Variants in ADAMTSL1 observed in about 807,000 individuals in gnomAD.
ADAMTSL1 encodes the protein ADAMTS-like protein 1.
A neutral mutation model predicts 201.8 loss-of-function variants in ADAMTSL1; 126 were observed. That is an observed-to-expected ratio of 0.62 (90% CI 0.54 to 0.72). ADAMTSL1 has a LOEUF of 0.72. Among genes scored for constraint, ADAMTSL1 ranks in the 30% least tolerant of loss-of-function variants. The pLI is 0.00. For synonymous variants in ADAMTSL1, 1,121 were observed against 903.4 expected (o/e 1.24, Z -4.32); for missense variants, 2,679 against 2,277.8 (o/e 1.18, Z -3.59).
At chr9:18,459,319 A>C (rs1272109739) in intron 2 of ADAMTSL1, among the ~76,000 whole-genome samples, 1 of 152,138 alleles carries the variant, frequency 6.6e-6, no homozygotes, top group Non-Finnish European at 1.5e-5. Context: ...TTTGTATTTC[A>C]TTGGTCAGAC....
chr9:18,662,955 T>C (rs913832940), intron 9 of ADAMTSL1, among the ~76,000 whole-genome samples: 3 of 152,190 alleles, frequency 2.0e-5, no homozygotes, highest in African/African-American at 4.8e-5. Context: ...AAGACAAAGA[T>C]TCATTTTCAA....
At chr9:18,316,325 T>A (rs1249858967) in intron 2 of ADAMTSL1, among the ~76,000 whole-genome samples, 1 of 151,988 alleles carries the variant, frequency 6.6e-6, no homozygotes, top group Non-Finnish European at 1.5e-5. Flanking sequence ...CCAAAATTAT[T>A]AGGTGGGAAT....
chr9:18,278,415 C>A (rs1490404744), intron 2 of ADAMTSL1, among the ~76,000 whole-genome samples: 1 of 152,112 alleles, frequency 6.6e-6, no homozygotes, highest in Non-Finnish European at 1.5e-5. Flanking sequence ...AATAGCCTTG[C>A]CTGGTACAGT....
At chr9:18,372,746 A>G (rs1837102161) in intron 2 of ADAMTSL1, among the ~76,000 whole-genome samples, 1 of 152,222 alleles carries the variant, frequency 6.6e-6, no homozygotes. Flanking sequence ...TACAGTAATG[A>G]AGGCTTTGGT....
At chr9:18,672,889 C>T (rs902782211) in intron 9 of ADAMTSL1, among the ~76,000 whole-genome samples, 1 of 151,890 alleles carries the variant, frequency 6.6e-6, no homozygotes, top group African/African-American at 2.4e-5. Context: ...TGCTCACCTT[C>T]TCTTCTTACC....
chr9:18,719,292 TAAAGA>T (rs1833176713), intron 14 of ADAMTSL1, among the ~76,000 whole-genome samples: 1 of 152,252 alleles, frequency 6.6e-6, no homozygotes, highest in Non-Finnish European at 1.5e-5. Context: ...AAAGAAAATG[TAAAGA>T]TACCATCACA....
intron 1 of ADAMTSL1, among the ~76,000 whole-genome samples, chr9:18,133,843 A>G (rs939521944): frequency 6.6e-6 from 1 of 152,090 alleles, no homozygotes; most frequent in African/African-American, 2.4e-5. Flanking sequence ...TATTTGGTTA[A>G]CTCTAATGGG....
intron 2 of ADAMTSL1, among the ~76,000 whole-genome samples, chr9:18,290,098 A>T (rs1002524569): frequency 6.6e-6 from 1 of 152,140 alleles, no homozygotes; most frequent in Non-Finnish European, 1.5e-5. Flanking sequence ...AACCTTAATC[A>T]TCAAGGGATA....
chr9:18,450,496 A>G (rs904718001), intron 2 of ADAMTSL1, among the ~76,000 whole-genome samples: 3 of 152,134 alleles, frequency 2.0e-5, no homozygotes, highest in Non-Finnish European at 2.9e-5. Flanking sequence ...TTCAGTTGAA[A>G]TGGATGTGTT....
At chr9:18,605,183 A>G (rs1824932171) in intron 4 of ADAMTSL1, among the ~76,000 whole-genome samples, 1 of 152,186 alleles carries the variant, frequency 6.6e-6, no homozygotes, top group African/African-American at 2.4e-5. Flanking sequence ...TGCAGGAAAA[A>G]AATAAAAGTG....
intron 4 of ADAMTSL1, among the ~76,000 whole-genome samples, chr9:18,618,770 CTTCTTT>C (rs759754179): frequency 5.3e-5 from 8 of 152,138 alleles, no homozygotes; most frequent in Non-Finnish European, 1.0e-4. Flanking sequence ...GCCAAGTCAG[CTTCTTT>C]TAAGTAGCCT....
chr9:18,588,117 G>T (rs1823636174), intron 4 of ADAMTSL1, among the ~76,000 whole-genome samples: 2 of 151,962 alleles, frequency 1.3e-5, no homozygotes, highest in Non-Finnish European at 2.9e-5. Flanking sequence ...CTCTTACTTT[G>T]CATCCTCACC....
At chr9:18,727,138 A>C (rs768331102) in intron 15 of ADAMTSL1, among the ~76,000 whole-genome samples, 3 of 152,260 alleles carry the variant, frequency 2.0e-5, no homozygotes, top group Non-Finnish European at 2.9e-5. Flanking sequence ...ATTAGCTTAC[A>C]ATGGCTAGAG....
chr9:18,546,598 A>C (rs1201035410), intron 3 of ADAMTSL1, among the ~76,000 whole-genome samples: 1 of 152,176 alleles, frequency 6.6e-6, no homozygotes, highest in Non-Finnish European at 1.5e-5. Context: ...GAAAGATATC[A>C]CTGTTTTACA....
intron 3 of ADAMTSL1, among the ~76,000 whole-genome samples, chr9:18,568,473 A>G (rs1199772341): frequency 6.6e-6 from 1 of 152,146 alleles, no homozygotes; most frequent in Non-Finnish European, 1.5e-5. Context: ...GAGGATTCCT[A>G]ATATTTTGAG....
Position 18,244,123 on chromosome 9 carries a change from G to A in ADAMTSL1, c.207+80142G>A, listed in dbSNP as rs546668309. Among the ~76,000 whole-genome samples, 7 of 151,966 alleles carry A rather than the reference G, an allele frequency of 4.6e-5. No individual in the cohort carries two copies. In the South Asian group the frequency reaches 1.5e-3, roughly 32 times the overall value. ...TGTGTGTGTGTGTACGTGTGTGTGT[G>A]TGTGTGGCCAATTCATAGCTGCCTA... On this transcript the variant is annotated intron_variant, in intron 2 of 29. Coordinates refer to the ADAMTSL1 transcript ENST00000680146.
chr9:18,531,492 A>G (rs539281507), intron 2 of ADAMTSL1, among the ~76,000 whole-genome samples: 1 of 152,146 alleles, frequency 6.6e-6, no homozygotes, highest in South Asian at 2.1e-4. Flanking sequence ...TATGGTTTCA[A>G]TGTGTGGCCA....
chr9:18,570,241 C>G (rs1564056997), intron 3 of ADAMTSL1, among the ~76,000 whole-genome samples: 1 of 150,676 alleles, frequency 6.6e-6, no homozygotes, highest in Non-Finnish European at 1.5e-5. Flanking sequence ...AAAAAAAAGA[C>G]CAAAAAAACC....
chr9:18,523,912 C>G (rs1224638850), intron 2 of ADAMTSL1, among the ~76,000 whole-genome samples: 1 of 133,564 alleles, frequency 7.5e-6, no homozygotes, highest in Non-Finnish European at 1.6e-5. Flanking sequence ...TTAGGATTGA[C>G]TTGGTGATGT....
Sources: gnomAD v4.1 joint callset for allele counts (sites outside exome capture counted in the v4.1 genomes callset) on GRCh38, gnomAD v4.1.1 for gene constraint, MANE v1.5 for transcripts, NCBI Gene and HGNC (gene_info 2026-07-23, HGNC 2026-07-21) for gene names.